The following GSAP variants were observed in gnomAD, a reference collection of about 807,000 sequenced individuals.
GSAP encodes gamma-secretase activating protein.
Under a neutral mutation model 131.7 loss-of-function variants are expected in GSAP, and 118 were observed. The observed-to-expected ratio is 0.90, with a 90% CI of 0.77 to 1.04. GSAP has a LOEUF of 1.04. Among genes scored for constraint, GSAP ranks in the 50% least tolerant of loss-of-function variants. GSAP has a pLI of 0.00. For missense variants in GSAP, 1,019 were observed against 1,013.2 expected (o/e 1.01, Z -0.08); for synonymous variants, 381 against 363.4 (o/e 1.05, Z -0.55).
intron 10 of GSAP, 53 bp downstream of exon 10, chr7:77,376,795 A>AAAT: frequency 1.5e-6 from 1 of 656,442 alleles, no homozygotes; most frequent in Non-Finnish European, 2.4e-6. Flanking sequence ...AAAAAAAAAA[A>AAAT]GAGAGTAATG....
intron 8 of GSAP, 128 bp downstream of exon 8, chr7:77,381,177 C>T: frequency 2.1e-6 from 1 of 472,742 alleles, no homozygotes; most frequent in Non-Finnish European, 3.7e-6. Context: ...AACAGCAAGT[C>T]TATACTTCAA....
intron 1 of GSAP, among the ~76,000 whole-genome samples, chr7:77,407,800 G>A (rs567820231): frequency 2.6e-5 from 4 of 152,208 alleles, no homozygotes; most frequent in Non-Finnish European, 4.4e-5. Context: ...TATTTAGCAA[G>A]GGACACATAA....
chr7:77,389,279 ATG>A (rs1323096087), intron 5 of GSAP, among the ~76,000 whole-genome samples: 9 of 149,224 alleles, frequency 6.0e-5, no homozygotes, highest in Admixed American at 1.3e-4. Flanking sequence ...ACCTAAAAGT[ATG>A]TGTGTGTGTA....
chr7:77,395,087 T>C (rs1337088143), intron 5 of GSAP, among the ~76,000 whole-genome samples: 1 of 152,226 alleles, frequency 6.6e-6, no homozygotes, highest in Non-Finnish European at 1.5e-5. Context: ...AAATTTAAAA[T>C]TGGCCTGAAA....
Position 77,404,544 on chromosome 7 carries a change from A to C in GSAP, c.243+15T>G. 7.1e-7 allele frequency: 1 copy of C among 1,400,502 alleles called. No individual in the cohort carries two copies. Among genetic ancestry groups the C allele is most frequent in the East Asian group, 2.3e-5 (1 of 43,786 alleles). The allele number at this position is 1,400,502 out of a possible 1,614,324, so 86.8% of individuals were successfully genotyped here. On this transcript the variant is annotated intron_variant, in intron 3 of 30. Transcript: ENST00000257626. ...AAGGCAGTAAAGTAACCAATGAGTA[A>C]TCTATGATTTTTACCTCATTTTGTC...
At chr7:77,366,193 T>G (rs1182369541) in intron 12 of GSAP, among the ~76,000 whole-genome samples, 6 of 152,156 alleles carry the variant, frequency 3.9e-5, no homozygotes, top group Non-Finnish European at 7.3e-5. Flanking sequence ...GGTCGTTTGG[T>G]TTACTCTGTT....
chr7:77,330,456 A>C, intron 19 of GSAP, 89 bp from the exon 20 acceptor site: 1 of 1,502,656 alleles, frequency 6.7e-7, no homozygotes, highest in South Asian at 1.4e-5. Flanking sequence ...TTATTTCCCG[A>C]GCTCTCAGGG....
chr7:77,378,399 G>A (rs931504779), intron 8 of GSAP, among the ~76,000 whole-genome samples: 3 of 151,954 alleles, frequency 2.0e-5, no homozygotes, highest in East Asian at 1.9e-4. Context: ...CAGGAGAATC[G>A]CTTGAATCCA....
At position 77,318,029 on chromosome 7, in the gene GSAP, G is replaced by C. The variant is rs1319503039; in HGVS notation, c.2089+2696C>G. Among the ~76,000 whole-genome samples the C allele has an allele frequency of 2.0e-5, 3 of 152,220 alleles. No homozygotes were observed. The East Asian group carries it at 5.8e-4, about 29-fold the overall frequency. The stretch of plus-strand genomic sequence containing the variant: ...CCGTATCAGATGTGTCATAAATGCA[G>C]AGCAGCATATGCTGTAGGGATTCTT... On this transcript the variant is annotated intron_variant, in intron 26 of 30. Transcript: ENST00000257626.
intron 9 of GSAP, 62 bp downstream of exon 9, chr7:77,377,224 A>G: frequency 7.7e-7 from 1 of 1,295,112 alleles, no homozygotes; most frequent in East Asian, 2.6e-5. Context: ...CTCTAAAAAA[A>G]TTAATATTTT....
chr7:77,366,585 T>C (rs568218674), intron 12 of GSAP, among the ~76,000 whole-genome samples: 2 of 152,342 alleles, frequency 1.3e-5, no homozygotes, highest in South Asian at 4.1e-4. Context: ...ATTCTATTGG[T>C]CTATGTGCCT....
intron 5 of GSAP, among the ~76,000 whole-genome samples, chr7:77,395,518 G>A (rs1800224252): frequency 6.6e-6 from 1 of 152,160 alleles, no homozygotes; most frequent in Non-Finnish European, 1.5e-5. Flanking sequence ...AGCAGAGAGT[G>A]CTGACAGTAC....
Position 77,310,924 on chromosome 7 carries a change from T to C in GSAP, c.*434A>G, listed in dbSNP as rs1794284810. ...ATCTGATTTAGTACAAATTCAGTTT[T>C]TAAAAGGACCCTCTTTCCAAATAGT... On this transcript the variant is annotated 3_prime_UTR_variant, in exon 31 of 31. Coordinates refer to ENST00000257626, the MANE Select transcript of GSAP (RefSeq NM_017439.4). 1 of 155,812 alleles carries C rather than the reference T, an allele frequency of 6.4e-6. No individual in the cohort carries two copies. Among genetic ancestry groups the C allele is most frequent in the Non-Finnish European group, 1.4e-5 (1 of 70,136 alleles). The allele number at this position is 155,812 out of a possible 1,614,324, so 9.7% of individuals were successfully genotyped here.
intron 19 of GSAP, among the ~76,000 whole-genome samples, chr7:77,349,008 A>G (rs1562995552): frequency 1.3e-5 from 2 of 152,168 alleles, no homozygotes; most frequent in Admixed American, 6.5e-5. Context: ...AATAAAGTAA[A>G]AGCAGCTACC....
chr7:77,375,103 T>C lies in GSAP; in HGVS notation c.742-2A>G, dbSNP rs1796660360. On this transcript the variant is annotated splice_acceptor_variant, in intron 10 of 30. Transcript: ENST00000257626. LOFTEE classifies it high-confidence loss of function. ...TGATATGTCCAAGGGTACTTCAAAC[T>C]GTCAAAAAAATCAAAGAAAATGAAC... is the stretch of plus-strand genomic sequence containing the variant. The C allele has an allele frequency of 6.4e-7, 1 of 1,556,152 alleles. No homozygotes were observed. The highest frequency in any genetic ancestry group is 1.4e-5 in the African/African-American group (1 of 73,422).
At chr7:77,390,422 T>A (rs1390597794) in intron 5 of GSAP, among the ~76,000 whole-genome samples, 2 of 152,208 alleles carry the variant, frequency 1.3e-5, no homozygotes, top group African/African-American at 4.8e-5. Flanking sequence ...TTTTAGGTCT[T>A]ACATTTAAGT....
intron 6 of GSAP, among the ~76,000 whole-genome samples, chr7:77,386,555 A>G (rs1398409871): frequency 6.6e-6 from 1 of 152,242 alleles, no homozygotes; most frequent in African/African-American, 2.4e-5. Context: ...GGCCAACAGC[A>G]TAGTAACTCA....
At chr7:77,354,158 G>C (rs1436713932) in intron 16 of GSAP, among the ~76,000 whole-genome samples, 1 of 152,138 alleles carries the variant, frequency 6.6e-6, no homozygotes, top group Non-Finnish European at 1.5e-5. Context: ...CCTGCTAGAG[G>C]AATGTTTTCC....
intron 3 of GSAP, among the ~76,000 whole-genome samples, chr7:77,402,042 G>C (rs78435656): frequency 8.5e-5 from 13 of 152,252 alleles, no homozygotes; most frequent in Admixed American, 5.9e-4. Context: ...TAACAATTGA[G>C]AGAAACTGAG....
Sources: gnomAD v4.1 joint callset for allele counts (sites outside exome capture counted in the v4.1 genomes callset) on GRCh38, gnomAD v4.1.1 for gene constraint, MANE v1.5 for transcripts, NCBI Gene and HGNC (gene_info 2026-07-23, HGNC 2026-07-21) for gene names.